SLCO3A1: variants seen among roughly 807,000 people sequenced by gnomAD.
SLCO3A1 encodes the protein solute carrier organic anion transporter family member 3A1, also known as PGE1 transporter.
A neutral mutation model predicts 63.1 loss-of-function variants in SLCO3A1; 27 were observed. The observed-to-expected ratio is 0.43, with a 90% CI of 0.32 to 0.59. The LOEUF (loss-of-function observed/expected upper bound fraction) is 0.59. Ranked by LOEUF, SLCO3A1 falls within the 20% of genes least tolerant of loss-of-function variation. The pLI is 0.09. For synonymous variants in SLCO3A1, 473 were observed against 409.9 expected, an observed-to-expected ratio of 1.15 and a Z score of -1.86; for missense variants, 773 against 945.8, an observed-to-expected ratio of 0.82 and a Z score of 2.40.
intron 1 of SLCO3A1, among the ~76,000 whole-genome samples, chr15:91,876,103 T>A (rs1851510161): frequency 6.6e-6 from 1 of 152,226 alleles, no homozygotes; most frequent in Non-Finnish European, 1.5e-5. Flanking sequence ...CCAGGACTTC[T>A]AGACTAGCCT....
intron 2 of SLCO3A1, among the ~76,000 whole-genome samples, chr15:92,017,773 C>A (rs2046455939): frequency 6.6e-6 from 1 of 152,140 alleles, no homozygotes; most frequent in Non-Finnish European, 1.5e-5. Context: ...CACATGACAC[C>A]TCCCAGGATG....
intron 2 of SLCO3A1, among the ~76,000 whole-genome samples, chr15:92,062,486 A>C (rs184044996): frequency 6.6e-6 from 1 of 152,272 alleles, no homozygotes; most frequent in Non-Finnish European, 1.5e-5. Context: ...GCCACTAATG[A>C]GTTTTGAGGA....
chr15:92,115,898 T>G (rs2047789749), intron 4 of SLCO3A1, among the ~76,000 whole-genome samples: 1 of 150,192 alleles, frequency 6.7e-6, no homozygotes, highest in South Asian at 2.1e-4. Flanking sequence ...GGCAGAAATT[T>G]TTTATTATTA....
chr15:92,158,875 T>G (rs886411848), intron 9 of SLCO3A1, among the ~76,000 whole-genome samples: 4 of 152,142 alleles, frequency 2.6e-5, no homozygotes, highest in African/African-American at 9.7e-5. Flanking sequence ...AAAGATGAAT[T>G]TGATGGAAAA....
chr15:92,114,515 G>A (rs901098857), intron 4 of SLCO3A1, among the ~76,000 whole-genome samples: 5 of 152,308 alleles, frequency 3.3e-5, no homozygotes, highest in South Asian at 2.1e-4. Flanking sequence ...CAACTCGGTG[G>A]TTGCTAAACC....
intron 2 of SLCO3A1, among the ~76,000 whole-genome samples, chr15:92,087,857 T>C (rs1172581079): frequency 6.6e-6 from 1 of 152,208 alleles, no homozygotes; most frequent in Non-Finnish European, 1.5e-5. Flanking sequence ...AGTATTAAAG[T>C]TGAATAATTC....
intron 4 of SLCO3A1, among the ~76,000 whole-genome samples, chr15:92,107,652 G>A (rs2047682047): frequency 6.6e-6 from 1 of 152,188 alleles, no homozygotes; most frequent in Non-Finnish European, 1.5e-5. Flanking sequence ...CTTCCAAATG[G>A]GTTTCTTCTT....
intron 2 of SLCO3A1, among the ~76,000 whole-genome samples, chr15:92,086,030 T>C (rs1351599521): frequency 1.3e-5 from 2 of 152,182 alleles, no homozygotes; most frequent in African/African-American, 4.8e-5. Context: ...TGTTCTACCA[T>C]GGTTGGGCAT....
intron 2 of SLCO3A1, among the ~76,000 whole-genome samples, chr15:92,083,204 C>T (rs185585355): frequency 5.6e-4 from 86 of 152,286 alleles, no homozygotes; most frequent in African/African-American, 2.0e-3. Flanking sequence ...CTTGTTTCCT[C>T]GAAGTTGAGT....
intron 2 of SLCO3A1, among the ~76,000 whole-genome samples, chr15:92,017,494 G>C (rs144786291): frequency 6.6e-6 from 1 of 152,092 alleles, no homozygotes; most frequent in African/African-American, 2.4e-5. Context: ...ACACGATGGC[G>C]CTCCCCTTCT....
At chr15:91,866,592 GA>G (rs397809814) in intron 1 of SLCO3A1, among the ~76,000 whole-genome samples, 6,067 of 140,480 alleles carry the variant, frequency 0.043, 215 homozygotes, top group African/African-American at 0.1. Context: ...AAAAAAAAAA[GA>G]AAAAAAAAAT....
intron 1 of SLCO3A1, among the ~76,000 whole-genome samples, chr15:91,877,410 C>T (rs1173621163): frequency 6.6e-6 from 1 of 152,196 alleles, no homozygotes; most frequent in African/African-American, 2.4e-5. Flanking sequence ...GTCAGGCACT[C>T]TTCTAGATAC....
At position 91,854,094 on chromosome 15, in the gene SLCO3A1, TC is replaced by T. The variant is rs1232853843; in HGVS notation, c.180+10del. 7 of 1,485,934 alleles carry T rather than the reference TC, an allele frequency of 4.7e-6. No individual in the cohort carries two copies. The highest frequency in any genetic ancestry group is 6.3e-6 in the Non-Finnish European group (7 of 1,112,476). The allele number at this position is 1,485,934 out of a possible 1,614,324, so 92.0% of individuals were successfully genotyped here. A position where few individuals can be genotyped will look rare whatever the true frequency, so the allele number is the denominator to read the frequency against. On this transcript the variant is annotated splice_region_variant and intron_variant, in intron 1 of 9. Transcript: ENST00000318445. This position sits in a 1 kb window ranked among gnomAD's most constrained non-coding sequence, Gnocchi z 6.4. ...GCACGGTGGGCGCCTACCTGGTGAG[TC>T]CCCGAGCCAACTCCGCCGCGGGCCC...
At chr15:92,117,466 G>A (rs1184710113) in intron 4 of SLCO3A1, among the ~76,000 whole-genome samples, 1 of 152,166 alleles carries the variant, frequency 6.6e-6, no homozygotes, top group Non-Finnish European at 1.5e-5. Flanking sequence ...AATGTCCCCA[G>A]CCTGCCTATT....
At chr15:91,911,535 G>C (rs1898485074) in intron 1 of SLCO3A1, among the ~76,000 whole-genome samples, 1 of 152,254 alleles carries the variant, frequency 6.6e-6, no homozygotes, top group African/African-American at 2.4e-5. Context: ...TATGTGCCTG[G>C]TGCCTGAATG....
chr15:92,156,679 A>T (rs1596155241), intron 9 of SLCO3A1, among the ~76,000 whole-genome samples: 1 of 152,256 alleles, frequency 6.6e-6, no homozygotes, highest in East Asian at 1.9e-4. Flanking sequence ...ACCTTCCAGG[A>T]GAATACACTT....
intron 1 of SLCO3A1, among the ~76,000 whole-genome samples, chr15:91,910,794 G>A (rs1898460859): frequency 6.6e-6 from 1 of 152,186 alleles, no homozygotes; most frequent in African/African-American, 2.4e-5. Flanking sequence ...GAGTCACCCA[G>A]GGAACTCTGA....
chr15:91,876,739 A>G (rs1170089375), intron 1 of SLCO3A1, among the ~76,000 whole-genome samples: 2 of 152,156 alleles, frequency 1.3e-5, no homozygotes, highest in South Asian at 4.1e-4. Context: ...CAGCCAGTCC[A>G]CTGAGTAGGC....
intron 1 of SLCO3A1, chr15:91,889,008 TAAA>T: frequency 6.0e-6 from 2 of 334,312 alleles, no homozygotes; most frequent in Non-Finnish European, 9.8e-6. Flanking sequence ...AGACTGTCTC[TAAA>T]AAAAAAAAAG....
Sources: allele counts gnomAD v4.1 joint callset (sites outside exome capture counted in the v4.1 genomes callset), GRCh38; gene constraint gnomAD v4.1.1; non-coding constraint Gnocchi (gnomAD v3.1); transcripts MANE v1.5; gene names NCBI Gene and HGNC (gene_info 2026-07-23, HGNC 2026-07-21).